HOMER2: variants seen among roughly 807,000 people sequenced by gnomAD.
HOMER2 encodes the protein homer scaffold protein 2, also known as homer protein homolog 2.
Under a neutral mutation model 47.0 loss-of-function variants are expected in HOMER2, and 27 were observed. The observed-to-expected ratio is 0.57, with a 90% CI of 0.42 to 0.79. The LOEUF (loss-of-function observed/expected upper bound fraction) is 0.79. HOMER2 is among the 30% of genes least tolerant of loss of function. HOMER2 has a pLI of 0.00. For synonymous variants in HOMER2, 161 were observed against 163.8 expected, an observed-to-expected ratio of 0.98 and a Z score of 0.13; for missense variants, 443 against 435.0, an observed-to-expected ratio of 1.02 and a Z score of -0.16.
chr15:82,864,681 A>G (rs2051907939), intron 3 of HOMER2, among the ~76,000 whole-genome samples: 1 of 152,230 alleles, frequency 6.6e-6, no homozygotes, highest in South Asian at 2.1e-4. Flanking sequence ...CAAAAACAAT[A>G]AAAGAGATGA....
chr15:82,858,776 A>C (rs952212357), intron 5 of HOMER2, among the ~76,000 whole-genome samples: 1 of 152,014 alleles, frequency 6.6e-6, no homozygotes, highest in African/African-American at 2.4e-5. Flanking sequence ...ACACATTTAC[A>C]TACTCACAAT....
rs2051309134 is a variant in HOMER2 at position 82,849,236 on chromosome 15, T to C, written c.*479A>G. On this transcript the variant is annotated 3_prime_UTR_variant, in exon 9 of 9. Transcript: ENST00000450735. The stretch of plus-strand genomic sequence containing the variant: ...TCTCAGAAAGTTTCCACTAAACAGT[T>C]GTTTTAAAGCCTCTCGATGTTGACA... 4 of 152,364 alleles carry C rather than the reference T, an allele frequency of 2.6e-5. No individual in the cohort carries two copies. The South Asian group carries it at 8.2e-4, about 31-fold the overall frequency. The allele number at this position is 152,364 out of a possible 1,614,324, so 9.4% of individuals were successfully genotyped here.
intron 1 of HOMER2, among the ~76,000 whole-genome samples, chr15:82,962,137 G>A (rs1359896509): frequency 4.0e-5 from 6 of 151,696 alleles, no homozygotes; most frequent in Non-Finnish European, 8.8e-5. Flanking sequence ...TTGGGAGTCC[G>A]AGGCGGGCGG....
chr15:82,956,910 G>A (rs1010581802), upstream of HOMER2, among the ~76,000 whole-genome samples: 2 of 152,106 alleles, frequency 1.3e-5, no homozygotes, highest in Non-Finnish European at 2.9e-5. Context: ...CTGTGACCAC[G>A]GGCAAGTTTT....
At chr15:82,873,728 T>A (rs957573334) in intron 3 of HOMER2, among the ~76,000 whole-genome samples, 1 of 152,226 alleles carries the variant, frequency 6.6e-6, no homozygotes, top group Non-Finnish European at 1.5e-5. Flanking sequence ...CAGAGTGCCA[T>A]CAGGCCATTT....
intron 3 of HOMER2, among the ~76,000 whole-genome samples, chr15:82,871,719 T>C (rs566236109): frequency 1.3e-5 from 2 of 152,274 alleles, no homozygotes; most frequent in South Asian, 2.1e-4. Flanking sequence ...TCCTTAATGA[T>C]AGGACATTTT....
intron 1 of HOMER2, among the ~76,000 whole-genome samples, chr15:82,900,003 C>T (rs1220382881): frequency 6.6e-6 from 1 of 152,108 alleles, no homozygotes; most frequent in African/African-American, 2.4e-5. Context: ...GCCTGGGCAA[C>T]ACAGTAGGTG....
intron 1 of HOMER2, among the ~76,000 whole-genome samples, chr15:82,894,855 T>G (rs2052855539): frequency 6.6e-6 from 1 of 151,928 alleles, no homozygotes; most frequent in African/African-American, 2.4e-5. Context: ...GAAAAGAATT[T>G]GAAGTGTTCC....
At chr15:82,863,073 C>T (rs1596309070) in intron 4 of HOMER2, among the ~76,000 whole-genome samples, 1 of 152,182 alleles carries the variant, frequency 6.6e-6, no homozygotes, top group Admixed American at 6.5e-5. Context: ...TTTGTGCACC[C>T]GAGACTGCAG....
intron 1 of HOMER2, among the ~76,000 whole-genome samples, chr15:82,981,840 G>A (rs564961777): frequency 6.6e-6 from 1 of 152,264 alleles, no homozygotes; most frequent in Admixed American, 6.5e-5. Flanking sequence ...GTTGCTAGGG[G>A]CAGAGGGGAG....
At chr15:82,859,868 A>C (rs1201615472) in intron 4 of HOMER2, among the ~76,000 whole-genome samples, 2 of 152,152 alleles carry the variant, frequency 1.3e-5, no homozygotes, top group East Asian at 3.8e-4. Context: ...CTGAATTTCA[A>C]AAAAAACACC....
chr15:82,880,727 T>C (rs2052496568), intron 2 of HOMER2, among the ~76,000 whole-genome samples: 1 of 152,034 alleles, frequency 6.6e-6, no homozygotes, highest in Non-Finnish European at 1.5e-5. Flanking sequence ...TCAGAGGAGA[T>C]ACGAGACTTG....
intron 1 of HOMER2, among the ~76,000 whole-genome samples, chr15:82,939,585 G>A (rs2054217653): frequency 6.6e-6 from 1 of 152,252 alleles, no homozygotes; most frequent in African/African-American, 2.4e-5. Flanking sequence ...CAGGAAGATC[G>A]CTTGAACCTG....
chr15:82,937,633 T>C (rs1411104849), intron 1 of HOMER2, among the ~76,000 whole-genome samples: 1 of 152,086 alleles, frequency 6.6e-6, no homozygotes, highest in East Asian at 1.9e-4. Context: ...AGAATTTTAA[T>C]GCATTTTTCA....
At chr15:82,926,092 C>T (rs1205297015) in intron 1 of HOMER2, 5 of 152,314 alleles carry the variant, frequency 3.3e-5, no homozygotes, top group Admixed American at 3.3e-4. Flanking sequence ...CTATAATCTT[C>T]ATGTCATATA....
At chr15:82,951,343 C>T (rs574115639) in intron 1 of HOMER2, among the ~76,000 whole-genome samples, 5 of 152,316 alleles carry the variant, frequency 3.3e-5, no homozygotes, top group South Asian at 4.1e-4. Flanking sequence ...TGCCTCTGAT[C>T]CCCTCACACA....
At chr15:82,931,536 T>TA (rs1190584996) in intron 1 of HOMER2, among the ~76,000 whole-genome samples, 3,035 of 121,066 alleles carry the variant, frequency 0.025, 35 homozygotes, top group Middle Eastern at 0.047. Flanking sequence ...ATGCCTGCTT[T>TA]AAAAAAAAAA....
chr15:82,864,896 A>G (rs1340045102), intron 3 of HOMER2, among the ~76,000 whole-genome samples: 4 of 152,272 alleles, frequency 2.6e-5, no homozygotes, highest in Non-Finnish European at 5.9e-5. Flanking sequence ...TTGTTTGAAC[A>G]GAGAATAGCC....
intron 1 of HOMER2, among the ~76,000 whole-genome samples, chr15:82,939,405 G>A (rs1277522552): frequency 1.3e-5 from 2 of 152,146 alleles, no homozygotes; most frequent in African/African-American, 2.4e-5. Flanking sequence ...GGTGGCTCAC[G>A]CCTGTAATCC....
Sources: gnomAD v4.1 joint callset for allele counts (sites outside exome capture counted in the v4.1 genomes callset) on GRCh38, gnomAD v4.1.1 for gene constraint, MANE v1.5 for transcripts, NCBI Gene and HGNC (gene_info 2026-07-23, HGNC 2026-07-21) for gene names.